Variants in CAMKMT observed in about 807,000 individuals in gnomAD.
CAMKMT encodes calmodulin-lysine N-methyltransferase.
CAMKMT carries 53 observed loss-of-function variants against 48.0 expected under a neutral mutation model. The observed-to-expected ratio is 1.10, with a 90% CI of 0.89 to 1.39. The LOEUF (loss-of-function observed/expected upper bound fraction) is 1.39, where lower values mean the gene tolerates loss of function less well. Ranked by LOEUF, CAMKMT falls within the 40% of genes most tolerant of loss-of-function variation. The probability of loss-of-function intolerance (pLI) is 0.00; values close to 1 mark genes in which losing one functional copy is unlikely to be tolerated. For synonymous variants in CAMKMT, 165 were observed against 152.3 expected (o/e 1.08, Z -0.61); for missense variants, 428 against 402.7 (o/e 1.06, Z -0.54).
chr2:44,542,893 G>A (rs982702445), intron 3 of CAMKMT, among the ~76,000 whole-genome samples: 5 of 152,100 alleles, frequency 3.3e-5, no homozygotes, highest in African/African-American at 9.7e-5. Context: ...GTCAGATGGC[G>A]GGAGATCCTG....
At chr2:44,429,472 A>G (rs905163382) in intron 3 of CAMKMT, among the ~76,000 whole-genome samples, 6 of 152,060 alleles carry the variant, frequency 3.9e-5, no homozygotes, top group Non-Finnish European at 7.3e-5. Context: ...TACTTACTTC[A>G]ACATCATTTA....
intron 3 of CAMKMT, among the ~76,000 whole-genome samples, chr2:44,505,617 A>G (rs193220936): frequency 3.4e-4 from 51 of 152,224 alleles, no homozygotes; most frequent in African/African-American, 1.1e-3. Flanking sequence ...CAGTTGCTCT[A>G]TTCTTTATCA....
chr2:44,706,202 G>C, intron 4 of CAMKMT, 85 bp from the exon 5 acceptor site: 1 of 1,375,532 alleles, frequency 7.3e-7, no homozygotes, highest in Non-Finnish European at 1.0e-6. Flanking sequence ...ACTGCAGATG[G>C]CAATTTGTTC....
At chr2:44,455,894 C>T (rs1156933316) in intron 3 of CAMKMT, among the ~76,000 whole-genome samples, 1 of 152,078 alleles carries the variant, frequency 6.6e-6, no homozygotes, top group Non-Finnish European at 1.5e-5. Context: ...TTAAAGTTAT[C>T]AGGAATCCTA....
At chr2:44,438,699 T>C (rs992056854) in intron 3 of CAMKMT, among the ~76,000 whole-genome samples, 2 of 152,130 alleles carry the variant, frequency 1.3e-5, no homozygotes, top group Non-Finnish European at 2.9e-5. Context: ...TTTTTGTTTG[T>C]TTGTTTTGTT....
At chr2:44,586,749 AT>A (rs1447552753) in intron 3 of CAMKMT, among the ~76,000 whole-genome samples, 22 of 152,210 alleles carry the variant, frequency 1.4e-4, no homozygotes, top group Admixed American at 6.5e-5. Flanking sequence ...TTGGGTTATT[AT>A]ATATAAAGCT....
intron 3 of CAMKMT, among the ~76,000 whole-genome samples, chr2:44,666,638 G>C (rs975020174): frequency 3.0e-5 from 4 of 135,434 alleles, no homozygotes; most frequent in African/African-American, 1.3e-4. Context: ...TTGAGACAGA[G>C]TCTGGCTCTG....
chr2:44,585,359 G>C (rs1336815559), intron 3 of CAMKMT, among the ~76,000 whole-genome samples: 2 of 152,192 alleles, frequency 1.3e-5, no homozygotes, highest in Non-Finnish European at 2.9e-5. Context: ...CTGAACTTCA[G>C]AAAGGATTTT....
intron 3 of CAMKMT, among the ~76,000 whole-genome samples, chr2:44,446,544 C>T (rs1402986140): frequency 6.6e-6 from 1 of 151,286 alleles, no homozygotes; most frequent in East Asian, 2.0e-4. Flanking sequence ...CGGGGTTTTG[C>T]CATGTTGGCC....
At chr2:44,479,275 T>C (rs1053650419) in intron 3 of CAMKMT, among the ~76,000 whole-genome samples, 3 of 152,184 alleles carry the variant, frequency 2.0e-5, no homozygotes, top group Admixed American at 1.3e-4. Flanking sequence ...GCAGGGAGTC[T>C]CAGTAGAGTA....
intron 3 of CAMKMT, among the ~76,000 whole-genome samples, chr2:44,634,059 T>C (rs1166528708): frequency 6.6e-6 from 1 of 152,138 alleles, no homozygotes; most frequent in Non-Finnish European, 1.5e-5. Context: ...TTTAATAATA[T>C]CTCTCTACTA....
chr2:44,654,819 C>T (rs577740717), intron 3 of CAMKMT, among the ~76,000 whole-genome samples: 27 of 152,298 alleles, frequency 1.8e-4, no homozygotes, highest in African/African-American at 6.5e-4. Flanking sequence ...CCGGCCTACA[C>T]GCCATTTTAA....
At chr2:44,620,583 A>G (rs1374518023) in intron 3 of CAMKMT, among the ~76,000 whole-genome samples, 1 of 152,180 alleles carries the variant, frequency 6.6e-6, no homozygotes. Flanking sequence ...TTTCAAATCC[A>G]TACCTCTTTA....
At chr2:44,507,989 T>G (rs1206608756) in intron 3 of CAMKMT, among the ~76,000 whole-genome samples, 1 of 152,216 alleles carries the variant, frequency 6.6e-6, no homozygotes, top group Admixed American at 6.5e-5. Context: ...CTATCTGTGG[T>G]GAAGGACTTT....
chr2:44,766,635 G>C, intron 10 of CAMKMT, 74 bp downstream of exon 10: 1 of 1,533,704 alleles, frequency 6.5e-7, no homozygotes, highest in Admixed American at 1.8e-5. Context: ...CTTTTTGGCA[G>C]GTAACCTAAA....
chr2:44,475,282 A>G (rs1668628030), intron 3 of CAMKMT, among the ~76,000 whole-genome samples: 1 of 151,816 alleles, frequency 6.6e-6, no homozygotes, highest in African/African-American at 2.4e-5. Context: ...CTTATTTGAA[A>G]AGTTGAAGTT....
intron 3 of CAMKMT, among the ~76,000 whole-genome samples, chr2:44,416,354 A>G (rs535213935): frequency 8.4e-4 from 128 of 152,224 alleles, no homozygotes; most frequent in African/African-American, 3.0e-3. Context: ...CATTTTAATG[A>G]GTTTTGAAAG....
chr2:44,698,346 C>T (rs1677075346), intron 3 of CAMKMT, among the ~76,000 whole-genome samples: 1 of 152,150 alleles, frequency 6.6e-6, no homozygotes, highest in Non-Finnish European at 1.5e-5. Context: ...TAAAAACATA[C>T]AACATGTGGT....
In CAMKMT at chr2:44,595,571, C is replaced by G. The variant is rs577565469; in HGVS notation, c.377-108712C>G. Among the ~76,000 whole-genome samples the G allele has an allele frequency of 3.9e-5, 6 of 152,266 alleles. No individual in the cohort carries two copies. The East Asian group carries it at 1.2e-3, about 29-fold the overall frequency. Reference sequence around the variant, plus strand: ...ATATTGTGAAAATGACCATACTGCCCAAAGTAATTTATAGATTCAGTGCTA... The same window carrying G: ...ATATTGTGAAAATGACCATACTGCCGAAAGTAATTTATAGATTCAGTGCTA... On this transcript the variant is annotated intron_variant, in intron 3 of 10. Transcript: ENST00000378494.
Sources: allele counts gnomAD v4.1 joint callset (sites outside exome capture counted in the v4.1 genomes callset), GRCh38; gene constraint gnomAD v4.1.1; transcripts MANE v1.5; gene names NCBI Gene and HGNC (gene_info 2026-07-23, HGNC 2026-07-21).